Variants in SLAMF7 observed in about 807,000 individuals in gnomAD.
The protein encoded by SLAMF7 is 19A24 protein.
A neutral mutation model predicts 34.1 loss-of-function variants in SLAMF7; 26 were observed. The ratio of observed to expected loss-of-function variants is 0.76; its 90% confidence interval spans 0.56 to 1.06. SLAMF7 has a LOEUF of 1.06. Among genes scored for constraint, SLAMF7 ranks in the 50% least tolerant of loss-of-function variants. The pLI is 0.00. For synonymous variants in SLAMF7, 171 were observed against 156.4 expected (o/e 1.09, Z -0.70); for missense variants, 399 against 402.5 (o/e 0.99, Z 0.07).
At chr1:160,741,529 C>T (rs1663740774) in intron 1 of SLAMF7, among the ~76,000 whole-genome samples, 1 of 152,022 alleles carries the variant, frequency 6.6e-6, no homozygotes, top group African/African-American at 2.4e-5. Flanking sequence ...GAGTAAAGTG[C>T]AATAGATTTC....
At chr1:160,752,107 C>T in intron 5 of SLAMF7, 79 bp from the exon 6 acceptor site, 1 of 1,181,120 alleles carries the variant, frequency 8.5e-7, no homozygotes, top group South Asian at 1.3e-5. Context: ...TCTCTGGATT[C>T]TGAATGTCTC....
intron 1 of SLAMF7, among the ~76,000 whole-genome samples, chr1:160,740,344 A>G (rs907820442): frequency 1.3e-5 from 2 of 151,998 alleles, no homozygotes; most frequent in Non-Finnish European, 1.5e-5. Context: ...ATAGAACTTG[A>G]GGGAGATAAG....
intron 1 of SLAMF7, among the ~76,000 whole-genome samples, chr1:160,745,191 G>A (rs896220840): frequency 6.6e-6 from 1 of 152,138 alleles, no homozygotes; most frequent in African/African-American, 2.4e-5. Flanking sequence ...TGTAAGCAAG[G>A]GAGTGGGTCA....
chr1:160,751,501 T>C, intron 5 of SLAMF7, 53 bp downstream of exon 5: 2 of 1,451,330 alleles, frequency 1.4e-6, no homozygotes, highest in Non-Finnish European at 9.7e-7. Flanking sequence ...GAGGCTCTCC[T>C]TGTGAGGTTT....
chr1:160,752,148 G>T (rs1553252858), intron 5 of SLAMF7, 38 bp from the exon 6 acceptor site: 4 of 1,522,784 alleles, frequency 2.6e-6, no homozygotes, highest in Non-Finnish European at 3.6e-6. Flanking sequence ...TCAGGAGGTG[G>T]GTGATGATTT....
intron 2 of SLAMF7, among the ~76,000 whole-genome samples, chr1:160,749,281 C>A (rs1664368826): frequency 6.6e-6 from 1 of 152,218 alleles, no homozygotes; most frequent in Admixed American, 6.5e-5. Flanking sequence ...CCTTTAACGT[C>A]TCAAACCCAT....
In SLAMF7 at chr1:160,739,343, T is replaced by G; in HGVS notation, c.42T>G (p.Leu14=). The G allele has an allele frequency of 1.2e-6, 2 of 1,613,662 alleles. No individual in the cohort carries two copies. The highest frequency in any genetic ancestry group is 1.7e-6 in the Non-Finnish European group (2 of 1,179,742). The change falls in exon 1 of 7, where the codon CTT becomes CTG. Residue 14 remains leucine, a synonymous_variant. Transcript: ENST00000368043. ...SPTCLTLIYI[L]WQLTGSAASG... is the part of the protein sequence containing the mutation. ...CATGCCTCACCCTCATCTATATCCTTTGGCAGCTCACAGGTGAGTCCGGCC... is the reference window on the plus strand; with the variant it reads ...CATGCCTCACCCTCATCTATATCCTGTGGCAGCTCACAGGTGAGTCCGGCC...
At position 160,749,940 on chromosome 1, in the gene SLAMF7, G is replaced by A. The variant is rs372671482; in HGVS notation, c.496G>A (p.Ala166Thr). 11 of 1,614,162 alleles carry A rather than the reference G, an allele frequency of 6.8e-6. No homozygotes were observed. The African/African-American group carries it at 1.5e-4, about 22-fold the overall frequency. ...AGAGGATGTGATTTATACCTGGAAG[G>A]CCCTGGGGCAAGCAGCCAATGAGTC... ...GEEDVIYTWKALGQAANESHN... is the reference protein window; with the variant it reads ...GEEDVIYTWKTLGQAANESHN... The change falls in exon 3 of 7, where the codon GCC becomes ACC. Residue 166 changes from alanine to threonine, a missense_variant. Physicochemically the swap from Ala to Thr is moderately conservative, Grantham distance 58. Coordinates refer to ENST00000368043, the MANE Select transcript of SLAMF7 (RefSeq NM_021181.5).
rs777862879 is a variant in SLAMF7 at position 160,750,272 on chromosome 1, C to T, written c.650-32C>T. The T allele has an allele frequency of 3.1e-6, 5 of 1,609,348 alleles. No homozygotes were observed. In the South Asian group the frequency reaches 5.5e-5, roughly 18 times the overall value. ...GTCGTTTTCCTGAGCTGACTTTTCT[C>T]CCTTCCCTGTGCCTCCACCCATTCT... is the stretch of plus-strand genomic sequence containing the variant. On this transcript the variant is annotated intron_variant, in intron 3 of 6. Coordinates refer to ENST00000368043, the MANE Select transcript of SLAMF7 (RefSeq NM_021181.5).
In SLAMF7 at chr1:160,750,333, G is replaced by T. The variant is rs1664469546; in HGVS notation, c.679G>T (p.Val227Phe). 6.2e-7 allele frequency: 1 copy of T among 1,613,926 alleles called. No homozygotes were observed. Among genetic ancestry groups the T allele is most frequent in the African/African-American group, 1.3e-5 (1 of 74,892 alleles). The change falls in exon 4 of 7, where the codon GTC becomes TTC. Residue 227 changes from valine (V) to phenylalanine (F), a missense_variant. By Grantham distance (50) the Val-to-Phe change is conservative (BLOSUM62 -1). Coordinates refer to ENST00000368043, the MANE Select transcript of SLAMF7 (RefSeq NM_021181.5). ...TGCTGATGACCCAGATTCCTCCATG[G>T]TCCTCCTGTGTCTCCTGTTGGTGCC... is the stretch of plus-strand genomic sequence containing the variant. ...GAADDPDSSM[V>F]LLCLLLVPLL... is the part of the protein sequence containing the mutation.
chr1:160,739,678 G>C, intron 1 of SLAMF7: 1 of 257,568 alleles, frequency 3.9e-6, no homozygotes, highest in Non-Finnish European at 7.4e-6. Flanking sequence ...AGTTTTCCTG[G>C]GCCTCAGAAA....
rs79466657 is a variant in SLAMF7, at chr1:160,745,714, A to G, written c.56-2480A>G. ...AAATGAAAGAGCCTGGCTGTGTTCC[A>G]GTACAATTGTATTTACAAAAACAGG... On this transcript the variant is annotated intron_variant, in intron 1 of 6. Transcript: ENST00000368043. Among the ~76,000 whole-genome samples the G allele has an allele frequency of 9.4e-4, 143 of 152,350 alleles. 1 individual carries two copies. The East Asian group carries it at 0.013, about 14-fold the overall frequency.
chr1:160,746,071 T>A (rs1664105197), intron 1 of SLAMF7, among the ~76,000 whole-genome samples: 1 of 152,190 alleles, frequency 6.6e-6, no homozygotes, highest in South Asian at 2.1e-4. Flanking sequence ...GAGAGCAGGC[T>A]GTGAAATGAA....
chr1:160,748,225 G>T lies in SLAMF7; in HGVS notation c.87G>T (p.Leu29=). Residue 29 remains leucine (L), a synonymous_variant, in exon 2 of 7, where the codon CTG becomes CTT. Transcript: ENST00000368043. Reference sequence around the variant, plus strand: ...CAGCCTCTGGACCCGTGAAAGAGCTGGTCGGTTCCGTTGGTGGGGCCGTGA... The same window carrying T: ...CAGCCTCTGGACCCGTGAAAGAGCTTGTCGGTTCCGTTGGTGGGGCCGTGA... The part of the protein sequence containing the change: ...GSAASGPVKE[L]VGSVGGAVTF... 6.2e-7 allele frequency: 1 copy of T among 1,614,042 alleles called. No individual in the cohort carries two copies. The highest frequency in any genetic ancestry group is 8.5e-7 in the Non-Finnish European group (1 of 1,179,944).
intron 3 of SLAMF7, 70 bp from the exon 4 acceptor site, chr1:160,750,234 C>A (rs905894813): frequency 6.3e-7 from 1 of 1,588,962 alleles, no homozygotes; most frequent in Non-Finnish European, 8.6e-7. Context: ...GTGGCAGGTG[C>A]TCCAAGACCT....
chr1:160,739,297 G>C lies in SLAMF7; in HGVS notation c.-5G>C. The C allele has an allele frequency of 6.2e-7, 1 of 1,613,874 alleles. No homozygotes were observed. Among genetic ancestry groups the C allele is most frequent in the Non-Finnish European group, 8.5e-7 (1 of 1,179,824 alleles). On this transcript the variant is annotated 5_prime_UTR_variant, in exon 1 of 7. Coordinates refer to ENST00000368043, the MANE Select transcript of SLAMF7 (RefSeq NM_021181.5). ...CATTTCAGTGGCTGACTTCCAGAGAGCAATATGGCTGGTTCCCCAACATGC... is the reference window on the plus strand; with the variant it reads ...CATTTCAGTGGCTGACTTCCAGAGACCAATATGGCTGGTTCCCCAACATGC...
intron 4 of SLAMF7, 63 bp downstream of exon 4, chr1:160,750,486 A>G: frequency 6.3e-7 from 1 of 1,577,094 alleles, no homozygotes; most frequent in Non-Finnish European, 8.6e-7. Context: ...CTGATTCAAC[A>G]AGCACATATA....
intron 3 of SLAMF7, 96 bp downstream of exon 3, chr1:160,750,189 G>GA: frequency 6.4e-7 from 1 of 1,574,294 alleles, no homozygotes; most frequent in South Asian, 1.2e-5. Context: ...TATGGAAACT[G>GA]GAGGCCGCTG....
At chr1:160,739,522 G>C in intron 1 of SLAMF7, 166 bp downstream of exon 1, 1 of 591,902 alleles carries the variant, frequency 1.7e-6, no homozygotes, top group Non-Finnish European at 2.9e-6. Flanking sequence ...GTCAGGAAGA[G>C]ACTAGAGAGA....
Sources: gnomAD v4.1 joint callset for allele counts (sites outside exome capture counted in the v4.1 genomes callset) on GRCh38, gnomAD v4.1.1 for gene constraint, MANE v1.5 for transcripts, NCBI Gene and HGNC (gene_info 2026-07-23, HGNC 2026-07-21) for gene names.